Variants in SAP130 observed in about 807,000 individuals in gnomAD.
The protein encoded by SAP130 is histone deacetylase complex subunit SAP130.
SAP130 carries 16 observed loss-of-function variants against 103.2 expected under a neutral mutation model. The observed-to-expected ratio is 0.16, with a 90% CI of 0.10 to 0.24. The LOEUF is 0.24. SAP130 is among the 10% of genes least tolerant of loss of function. The pLI, the probability that SAP130 is intolerant of heterozygous loss-of-function variation, is 1.00. For synonymous variants in SAP130, 477 were observed against 497.0 expected (o/e 0.96, Z 0.53); for missense variants, 990 against 1,359.7 (o/e 0.73, Z 4.28).
At chr2:127,969,955 C>G (rs1330547832) in intron 15 of SAP130, among the ~76,000 whole-genome samples, 2 of 152,144 alleles carry the variant, frequency 1.3e-5, no homozygotes, top group South Asian at 2.1e-4. Flanking sequence ...TTAGGCCAGA[C>G]GCAGTGGCTC....
chr2:127,970,497 T>G (rs1681004408), intron 15 of SAP130, among the ~76,000 whole-genome samples: 1 of 126,958 alleles, frequency 7.9e-6, no homozygotes, highest in Non-Finnish European at 1.6e-5. Context: ...GCCGAGATCG[T>G]ACCACTGCAC....
chr2:127,952,761 C>T lies in SAP130; in HGVS notation c.2422+2225G>A, dbSNP rs374809179. 1.8e-4 allele frequency among the ~76,000 whole-genome samples: 28 copies of T among 152,266 alleles called. No individual in the cohort carries two copies. In the East Asian group the frequency reaches 5.4e-3, roughly 29 times the overall value. On this transcript the variant is annotated intron_variant, in intron 16 of 20. Transcript: ENST00000643581. The stretch of plus-strand genomic sequence containing the variant: ...CTCTGAAATATTTTTGTTCTTGCAA[C>T]TTCCAGGACACCACATACTATAAGT...
At chr2:128,009,584 T>A (rs1380921922) in intron 7 of SAP130, among the ~76,000 whole-genome samples, 1 of 152,180 alleles carries the variant, frequency 6.6e-6, no homozygotes, top group African/African-American at 2.4e-5. Context: ...ACTTGGCCTC[T>A]CCAGAGCCTA....
rs1679633409 is a variant in SAP130 at position 127,953,584 on chromosome 2, C to A, written c.2422+1402G>T. ...TACCATGATCTGATCCTGCTGCCTGCCACTCCCCTTATTACTTAGCTCCAG... is the reference window on the plus strand; with the variant it reads ...TACCATGATCTGATCCTGCTGCCTGACACTCCCCTTATTACTTAGCTCCAG... On this transcript the variant is annotated intron_variant, in intron 16 of 20. Transcript: ENST00000643581. The surrounding 1 kb of genome is among the most constrained non-coding windows in gnomAD (Gnocchi z 4.0). Among the ~76,000 whole-genome samples the A allele has an allele frequency of 6.6e-6, 1 of 152,192 alleles. No individual in the cohort carries two copies.
chr2:127,989,847 G>A lies in SAP130; in HGVS notation c.1497C>T (p.Asn499=), dbSNP rs1682665573. The A allele has an allele frequency of 1.2e-6, 2 of 1,613,442 alleles. No homozygotes were observed. Among genetic ancestry groups the A allele is most frequent in the Non-Finnish European group, 1.7e-6 (2 of 1,179,430 alleles). Residue 499 remains asparagine, a synonymous_variant, in exon 13 of 21, where the codon AAC becomes AAT. Coordinates refer to ENST00000643581, the MANE Select transcript of SAP130 (RefSeq NM_001330301.2). This position sits in a 1 kb window ranked among gnomAD's most constrained non-coding sequence, Gnocchi z 4.6. The part of the protein sequence containing the change: ...RQYPVSAQAP[N]SAITAQTGVG... ...CACCAGTCTGAGCTGTGATGGCAGA[G>A]TTTGGAGCCTGAGCTGAAACTAAAA...
At chr2:128,027,304 C>T (rs1167345643) in intron 1 of SAP130, 10 of 1,157,808 alleles carry the variant, frequency 8.6e-6, no homozygotes, top group African/African-American at 4.9e-5. Context: ...TTCCCCCGAA[C>T]CTGCCCCTGC....
chr2:127,955,250 T>C lies in SAP130; in HGVS notation c.2158A>G (p.Ile720Val). The C allele has an allele frequency of 6.2e-7, 1 of 1,614,028 alleles. No individual in the cohort carries two copies. Among genetic ancestry groups the C allele is most frequent in the Non-Finnish European group, 8.5e-7 (1 of 1,179,984 alleles). Residue 720 changes from isoleucine (I) to valine (V), a missense_variant, in exon 16 of 21, where the codon ATT becomes GTT. By Grantham distance (29) the Ile-to-Val change is conservative. Coordinates refer to ENST00000643581, the MANE Select transcript of SAP130 (RefSeq NM_001330301.2). This position sits in a 1 kb window ranked among gnomAD's most constrained non-coding sequence, Gnocchi z 4.9. Reference protein sequence around the residue: ...VSNQNNDQPTIAVPPTAQQPP... With the variant: ...VSNQNNDQPTVAVPPTAQQPP... ...TGCTGGGCAGTTGGAGGGACGGCAA[T>C]GGTAGGCTGATCATTATTTTGATTG...
At chr2:127,968,586 G>A (rs774673932) in intron 15 of SAP130, among the ~76,000 whole-genome samples, 1 of 150,974 alleles carries the variant, frequency 6.6e-6, no homozygotes, top group African/African-American at 2.4e-5. Context: ...GCAGTGGTAC[G>A]ATCTTGGCTC....
chr2:127,993,163 T>C, intron 12 of SAP130, 24 bp downstream of exon 12: 1 of 1,612,810 alleles, frequency 6.2e-7, no homozygotes, highest in South Asian at 1.1e-5. Context: ...CTGTGAAAAG[T>C]CATCTAAAAA....
intron 7 of SAP130, among the ~76,000 whole-genome samples, chr2:128,008,441 T>A (rs185899763): frequency 6.6e-6 from 1 of 151,556 alleles, no homozygotes; most frequent in Non-Finnish European, 1.5e-5. Flanking sequence ...TCATAGCTCC[T>A]AGTAATCTCA....
At chr2:128,005,135 G>A (rs1319599509) in intron 7 of SAP130, among the ~76,000 whole-genome samples, 2 of 152,206 alleles carry the variant, frequency 1.3e-5, no homozygotes, top group African/African-American at 4.8e-5. Context: ...TGGAAATGAT[G>A]AGAGAACAAC....
At chr2:127,959,124 A>C (rs1244663568) in intron 15 of SAP130, among the ~76,000 whole-genome samples, 2 of 150,028 alleles carry the variant, frequency 1.3e-5, no homozygotes, top group African/African-American at 4.8e-5. Flanking sequence ...AGCTGCTGAA[A>C]AGTGAGGAGA....
At chr2:127,950,069 T>A in intron 17 of SAP130, 75 bp from the exon 18 acceptor site, 1 of 1,603,998 alleles carries the variant, frequency 6.2e-7, no homozygotes, top group Non-Finnish European at 8.5e-7. Flanking sequence ...GTAAGTGAGG[T>A]ACGAGTGAGG....
At chr2:128,000,725 T>C (rs1354450200) in intron 7 of SAP130, among the ~76,000 whole-genome samples, 2 of 152,270 alleles carry the variant, frequency 1.3e-5, no homozygotes, top group Non-Finnish European at 2.9e-5. Context: ...AAACTTGAGT[T>C]AATATCATTA....
At chr2:127,985,330 G>T (rs1682297422) in intron 14 of SAP130, among the ~76,000 whole-genome samples, 1 of 152,144 alleles carries the variant, frequency 6.6e-6, no homozygotes, top group East Asian at 1.9e-4. Flanking sequence ...AGGGACTCTG[G>T]TATATGCACA....
chr2:128,002,832 ACTTGGGCCAGGC>A lies in SAP130; in HGVS notation c.870-2390_870-2379del, dbSNP rs565236864. Among the ~76,000 whole-genome samples, 765 of 152,278 alleles carry A rather than the reference ACTTGGGCCAGGC, an allele frequency of 5.0e-3. 4 individuals are homozygous for A. The highest frequency in any genetic ancestry group is 0.027 in the Middle Eastern group (8 of 294). ...GGCTAACGGGAGTCATCAAAAGGAA[ACTTGGGCCAGGC>A]CTGGTACAGTGGCTCACGCTTGTAA... On this transcript the variant is annotated intron_variant, in intron 7 of 20. Coordinates refer to ENST00000643581, the MANE Select transcript of SAP130 (RefSeq NM_001330301.2).
chr2:127,949,271 G>A (rs902765629), intron 18 of SAP130, among the ~76,000 whole-genome samples: 1 of 152,078 alleles, frequency 6.6e-6, no homozygotes. Flanking sequence ...TGAGATTAAT[G>A]GCACTTAAAG....
intron 11 of SAP130, among the ~76,000 whole-genome samples, chr2:127,995,497 G>A (rs13013044): frequency 0.75 from 113,857 of 152,086 alleles, 42,846 homozygotes; most frequent in East Asian, 0.83. Flanking sequence ...TTAAAAAACA[G>A]TAAAATGCTC....
intron 7 of SAP130, among the ~76,000 whole-genome samples, chr2:128,004,964 A>G (rs1683852157): frequency 6.6e-6 from 1 of 152,268 alleles, no homozygotes; most frequent in Admixed American, 6.5e-5. Context: ...GAAAGGATCC[A>G]AAACAGGATC....
Sources: allele counts gnomAD v4.1 joint callset (sites outside exome capture counted in the v4.1 genomes callset), GRCh38; gene constraint gnomAD v4.1.1; non-coding constraint Gnocchi (gnomAD v3.1); transcripts MANE v1.5; gene names NCBI Gene and HGNC (gene_info 2026-07-23, HGNC 2026-07-21).